SEC23A: variants seen among roughly 807,000 people sequenced by gnomAD.
SEC23A encodes the protein SEC23 homolog A, COPII component.
A neutral mutation model predicts 103.7 loss-of-function variants in SEC23A; 56 were observed. The ratio of observed to expected loss-of-function variants is 0.54; its 90% confidence interval spans 0.44 to 0.67. SEC23A has a LOEUF of 0.67. Among genes scored for constraint, SEC23A ranks in the 30% least tolerant of loss-of-function variants. The probability of loss-of-function intolerance (pLI) is 0.00; values close to 1 mark genes in which losing one functional copy is unlikely to be tolerated. For missense variants in SEC23A, 784 were observed against 936.4 expected, an observed-to-expected ratio of 0.84 and a Z score of 2.12; for synonymous variants, 281 against 293.0, an observed-to-expected ratio of 0.96 and a Z score of 0.42.
chr14:39,099,012 A>G (rs537941872), intron 1 of SEC23A, among the ~76,000 whole-genome samples: 11 of 152,218 alleles, frequency 7.2e-5, no homozygotes, highest in African/African-American at 2.6e-4. Context: ...CAAGGATAGT[A>G]CATAACTAGT....
chr14:39,053,512 CTTGTT>C (rs1886139422), intron 14 of SEC23A, among the ~76,000 whole-genome samples: 1 of 148,614 alleles, frequency 6.7e-6, no homozygotes, highest in Non-Finnish European at 1.5e-5. Context: ...ATTAATCTTT[CTTGTT>C]TTTTTTTTTT....
intron 9 of SEC23A, among the ~76,000 whole-genome samples, chr14:39,068,404 C>G (rs1225066072): frequency 6.6e-6 from 1 of 152,128 alleles, no homozygotes; most frequent in African/African-American, 2.4e-5. Context: ...CAAAGATACT[C>G]TAACAAAACA....
chr14:39,055,122 A>T, intron 14 of SEC23A, 21 bp downstream of exon 14: 2 of 1,613,782 alleles, frequency 1.2e-6, no homozygotes, highest in Non-Finnish European at 1.7e-6. Flanking sequence ...GATTTAGAAA[A>T]GCACAGTGTT....
intron 2 of SEC23A, among the ~76,000 whole-genome samples, chr14:39,095,327 G>A (rs561705220): frequency 4.0e-5 from 6 of 149,258 alleles, no homozygotes; most frequent in Non-Finnish European, 7.4e-5. Flanking sequence ...GCGGAGTCTC[G>A]CTCTGTCACC....
intron 10 of SEC23A, 82 bp downstream of exon 10, chr14:39,067,091 A>C: frequency 6.6e-7 from 1 of 1,516,860 alleles, no homozygotes; most frequent in Non-Finnish European, 9.1e-7. Context: ...ATTAAATTTG[A>C]TTAATGGCAT....
intron 2 of SEC23A, 29 bp from the exon 3 acceptor site, chr14:39,093,273 C>A: frequency 6.4e-7 from 1 of 1,573,502 alleles, no homozygotes; most frequent in Non-Finnish European, 8.7e-7. Context: ...AAAGACATAT[C>A]AGTTCATATT....
At chr14:39,085,685 TATATACACACACACACACACACACAC>T in intron 7 of SEC23A, 51 bp downstream of exon 7, 2 of 957,128 alleles carry the variant, frequency 2.1e-6, no homozygotes, top group South Asian at 1.5e-5. Flanking sequence ...CTTATAATTA[TATATACACACACACACACACACACAC>T]ACACACACAC....
rs71130810 is a variant in SEC23A at position 39,083,563 on chromosome 14, C to CTT, written c.828+2197_828+2198dup. On this transcript the variant is annotated intron_variant, in intron 7 of 19. Transcript: ENST00000307712. ...CCTCAGCCTTGGCAAAATAAACTTTCTTTTTTTTTTTTTTTTTGAGATGGA... is the reference window on the plus strand; with the variant it reads ...CCTCAGCCTTGGCAAAATAAACTTTCTTTTTTTTTTTTTTTTTTTGAGATGGA... Among the ~76,000 whole-genome samples the CTT allele has an allele frequency of 4.8e-4, 44 of 91,810 alleles. 6 individuals carry two copies. The highest frequency in any genetic ancestry group is 5.9e-4 in the Non-Finnish European group (28 of 47,264). 60.2% of individuals were successfully genotyped at this position (91,810 alleles called of 152,430 possible).
At chr14:39,072,705 T>G (rs1298044439) in intron 9 of SEC23A, among the ~76,000 whole-genome samples, 1 of 152,154 alleles carries the variant, frequency 6.6e-6, no homozygotes, top group Non-Finnish European at 1.5e-5. Context: ...TCCCAGCTAC[T>G]CAGGAGGCTG....
intron 1 of SEC23A, among the ~76,000 whole-genome samples, chr14:39,097,567 C>G (rs1594490405): frequency 6.6e-6 from 1 of 152,128 alleles, no homozygotes; most frequent in South Asian, 2.1e-4. Context: ...TTTCATAAAA[C>G]AAATGGCAGA....
intron 1 of SEC23A, among the ~76,000 whole-genome samples, chr14:39,101,471 A>G (rs1240282804): frequency 6.6e-6 from 1 of 151,926 alleles, no homozygotes; most frequent in Non-Finnish European, 1.5e-5. Flanking sequence ...TACAAAAATT[A>G]GCCAGGCATG....
intron 7 of SEC23A, among the ~76,000 whole-genome samples, chr14:39,078,468 T>C (rs1230316670): frequency 1.3e-5 from 2 of 152,030 alleles, no homozygotes; most frequent in Admixed American, 6.6e-5. Flanking sequence ...AAAGCAGCAA[T>C]GAACCAAAGA....
At chr14:39,063,537 G>A (rs1480637136) in intron 11 of SEC23A, 124 bp from the exon 12 acceptor site, 2 of 612,426 alleles carry the variant, frequency 3.3e-6, no homozygotes, top group Non-Finnish European at 5.7e-6. Context: ...ATTCAACAAT[G>A]TTAAGAGCTT....
intron 1 of SEC23A, among the ~76,000 whole-genome samples, chr14:39,096,624 T>C (rs1887902882): frequency 6.6e-6 from 1 of 152,086 alleles, no homozygotes; most frequent in Non-Finnish European, 1.5e-5. Context: ...CTCTACCCAA[T>C]GTTCACAAGG....
At chr14:39,085,717 C>CACACAA in intron 7 of SEC23A, 45 bp downstream of exon 7, 1 of 1,599,962 alleles carries the variant, frequency 6.3e-7, no homozygotes, top group Non-Finnish European at 8.6e-7. Context: ...CACACACACA[C>CACACAA]ACACACACAC....
intron 8 of SEC23A, 111 bp from the exon 9 acceptor site, chr14:39,074,641 T>C (rs574520181): frequency 3.0e-6 from 2 of 661,270 alleles, no homozygotes; most frequent in Admixed American, 2.4e-5. Context: ...ATAATTTAAA[T>C]TATGATTAGT....
At chr14:39,053,873 G>T (rs1275411739) in intron 14 of SEC23A, among the ~76,000 whole-genome samples, 1 of 152,160 alleles carries the variant, frequency 6.6e-6, no homozygotes, top group African/African-American at 2.4e-5. Flanking sequence ...GCTCATGCTT[G>T]TAAAATCCCA....
chr14:39,032,979 C>T lies in SEC23A; in HGVS notation c.*260G>A, dbSNP rs374670538. 4.9e-6 allele frequency: 2 copies of T among 404,302 alleles called. No individual in the cohort carries two copies. The highest frequency in any genetic ancestry group is 9.0e-5 in the East Asian group (2 of 22,292). 25.0% of individuals were successfully genotyped at this position (404,302 alleles called of 1,614,324 possible). On this transcript the variant is annotated 3_prime_UTR_variant, in exon 20 of 20. Coordinates refer to ENST00000307712, the MANE Select transcript of SEC23A (RefSeq NM_006364.4). The stretch of plus-strand genomic sequence containing the variant: ...GAGGCAGACTCTATTTTTTATTAAA[C>T]ATAATTAAGTTATAAAGACTTCAAA...
intron 15 of SEC23A, among the ~76,000 whole-genome samples, chr14:39,047,021 G>A (rs1394583540): frequency 6.6e-6 from 1 of 152,132 alleles, no homozygotes; most frequent in African/African-American, 2.4e-5. Flanking sequence ...TACTACTTCA[G>A]TCATTCTTGT....
Sources: allele counts gnomAD v4.1 joint callset (sites outside exome capture counted in the v4.1 genomes callset), GRCh38; gene constraint gnomAD v4.1.1; transcripts MANE v1.5; gene names NCBI Gene and HGNC (gene_info 2026-07-23, HGNC 2026-07-21).